DNAJC5B: variants seen among roughly 807,000 people sequenced by gnomAD.
DNAJC5B encodes the protein DnaJ heat shock protein family (Hsp40) member C5 beta.
In DNAJC5B, 23 loss-of-function variants were observed where a neutral mutation model predicts 24.7. The ratio of observed to expected loss-of-function variants is 0.93; its 90% CI spans 0.67 to 1.32. DNAJC5B has a LOEUF of 1.32. Among genes scored for constraint, DNAJC5B ranks in the 40% most tolerant of loss-of-function variants. The pLI, the probability that DNAJC5B is intolerant of heterozygous loss-of-function variation, is 0.00. For missense variants in DNAJC5B, 238 were observed against 240.8 expected, an observed-to-expected ratio of 0.99 and a Z score of 0.08; for synonymous variants, 101 against 90.1, an observed-to-expected ratio of 1.12 and a Z score of -0.68.
chr8:66,021,408 C>T (rs1231115286), upstream of DNAJC5B, among the ~76,000 whole-genome samples: 2 of 152,194 alleles, frequency 1.3e-5, no homozygotes, highest in African/African-American at 2.4e-5. Flanking sequence ...GGGGAATGTC[C>T]TTCCCAACCT....
intron 3 of DNAJC5B, among the ~76,000 whole-genome samples, chr8:66,059,934 C>T (rs2128961179): frequency 6.6e-6 from 1 of 152,330 alleles, no homozygotes; most frequent in East Asian, 1.9e-4. Context: ...CCCGACCGCT[C>T]CTTCAGGCCC....
chr8:66,061,636 C>T (rs554034012), intron 3 of DNAJC5B, among the ~76,000 whole-genome samples: 2,631 of 146,306 alleles, frequency 0.018, 64 homozygotes, highest in African/African-American at 0.061. Context: ...TGTGTGTGTG[C>T]GCGTGTATAA....
chr8:66,032,675 G>C (rs1215353366), intron 1 of DNAJC5B, among the ~76,000 whole-genome samples: 3 of 152,130 alleles, frequency 2.0e-5, no homozygotes, highest in African/African-American at 4.8e-5. Flanking sequence ...CATCAAAACT[G>C]CTTAAAATGT....
intron 1 of DNAJC5B, among the ~76,000 whole-genome samples, chr8:66,034,387 C>A (rs1467740058): frequency 6.6e-6 from 1 of 151,902 alleles, no homozygotes; most frequent in Non-Finnish European, 1.5e-5. Flanking sequence ...GACATACAGT[C>A]CAATGTTGGC....
intron 3 of DNAJC5B, among the ~76,000 whole-genome samples, chr8:66,053,444 A>C (rs1291880218): frequency 6.6e-6 from 1 of 152,226 alleles, no homozygotes; most frequent in Non-Finnish European, 1.5e-5. Context: ...AAAAATGTTG[A>C]GTACAAAATT....
intron 3 of DNAJC5B, among the ~76,000 whole-genome samples, chr8:66,071,959 A>G (rs1174779909): frequency 6.6e-6 from 1 of 151,916 alleles, no homozygotes; most frequent in African/African-American, 2.4e-5. Flanking sequence ...ACAGAAAACC[A>G]AAAACCACAT....
At chr8:66,093,064 T>C (rs1000506248) in intron 5 of DNAJC5B, among the ~76,000 whole-genome samples, 1 of 152,172 alleles carries the variant, frequency 6.6e-6, no homozygotes, top group African/African-American at 2.4e-5. Flanking sequence ...TTCATTCACA[T>C]TGTGACTGTC....
intron 5 of DNAJC5B, among the ~76,000 whole-genome samples, chr8:66,096,159 A>ACC (rs1409711323): frequency 1.3e-5 from 2 of 152,006 alleles, no homozygotes; most frequent in Non-Finnish European, 1.5e-5. Flanking sequence ...TTCTTCTGAC[A>ACC]CCCCTCTTCT....
chr8:66,029,425 G>A (rs997705298), intron 1 of DNAJC5B, among the ~76,000 whole-genome samples: 7 of 152,204 alleles, frequency 4.6e-5, no homozygotes, highest in Non-Finnish European at 8.8e-5. Context: ...GGGCAAGTCC[G>A]TGGGGCTGGC....
chr8:66,041,699 A>T (rs184395473), intron 1 of DNAJC5B, among the ~76,000 whole-genome samples: 1 of 152,336 alleles, frequency 6.6e-6, no homozygotes, highest in Non-Finnish European at 1.5e-5. Flanking sequence ...TGAATCAAGG[A>T]ATTGTTTAAT....
chr8:66,022,182 A>G (rs1163444763), intron 1 of DNAJC5B, among the ~76,000 whole-genome samples: 2 of 152,192 alleles, frequency 1.3e-5, no homozygotes, highest in African/African-American at 2.4e-5. Context: ...CTGCTGGAAC[A>G]TATACCGGAC....
intron 1 of DNAJC5B, among the ~76,000 whole-genome samples, chr8:66,038,460 A>G (rs554043670): frequency 7.2e-5 from 11 of 152,296 alleles, no homozygotes; most frequent in South Asian, 2.1e-4. Flanking sequence ...CCATCACCAA[A>G]CAAATAGGAT....
At chr8:66,017,249 C>A (rs1805979010), upstream of DNAJC5B, among the ~76,000 whole-genome samples, 1 of 152,192 alleles carries the variant, frequency 6.6e-6, no homozygotes, top group South Asian at 2.1e-4. Context: ...TTAGAGCATT[C>A]AACTCAAACG....
the DNAJC5B span, among the ~76,000 whole-genome samples, chr8:66,015,233 C>T: frequency 6.6e-6 from 1 of 151,354 alleles, no homozygotes; most frequent in Non-Finnish European, 1.5e-5. Flanking sequence ...AGTCTGTCTT[C>T]TAGCTGTAGC....
the DNAJC5B span, among the ~76,000 whole-genome samples, chr8:66,016,485 T>G: frequency 6.6e-6 from 1 of 152,176 alleles, no homozygotes; most frequent in East Asian, 1.9e-4. Flanking sequence ...GCCATGATTG[T>G]AAGTTTCCTG....
At chr8:66,089,472 T>G (rs1236377650) in intron 5 of DNAJC5B, among the ~76,000 whole-genome samples, 1 of 152,228 alleles carries the variant, frequency 6.6e-6, no homozygotes, top group African/African-American at 2.4e-5. Context: ...AATCCTTTCT[T>G]AACTGTTGAC....
intron 5 of DNAJC5B, among the ~76,000 whole-genome samples, chr8:66,095,043 T>C (rs1586121671): frequency 6.6e-6 from 1 of 152,096 alleles, no homozygotes; most frequent in Non-Finnish European, 1.5e-5. Flanking sequence ...ACAATATTAA[T>C]GAGAGTGGTC....
chr8:66,080,467 C>A lies in DNAJC5B; in HGVS notation c.424C>A (p.Pro142Thr). ...CAACTGCTGCTGTGGACACTGCCGGCCCGAGTCATCAGTGCCAGAAGAGGA... is the reference window on the plus strand; with the variant it reads ...CAACTGCTGCTGTGGACACTGCCGGACCGAGTCATCAGTGCCAGAAGAGGA... ...CCNCCCGHCR[P>T]ESSVPEEDFY... The change falls in exon 5 of 6, where the codon CCC becomes ACC. Residue 142 changes from proline to threonine, a missense_variant. Pro to Thr is a conservative substitution (Grantham distance 38, BLOSUM62 -1). Transcript: ENST00000276570. The A allele has an allele frequency of 1.2e-6, 2 of 1,614,032 alleles. No homozygotes were observed. Among genetic ancestry groups the A allele is most frequent in the South Asian group, 2.2e-5 (2 of 91,076 alleles).
intron 5 of DNAJC5B, among the ~76,000 whole-genome samples, chr8:66,098,206 T>C (rs1203441768): frequency 1.3e-5 from 2 of 151,398 alleles, no homozygotes; most frequent in Admixed American, 1.3e-4. Flanking sequence ...TAAATATGAT[T>C]TTTTTGTTTT....
Sources: gnomAD v4.1 joint callset for allele counts (sites outside exome capture counted in the v4.1 genomes callset) on GRCh38, gnomAD v4.1.1 for gene constraint, MANE v1.5 for transcripts, NCBI Gene and HGNC (gene_info 2026-07-23, HGNC 2026-07-21) for gene names.